The following DAB1 variants were observed in gnomAD, a reference collection of about 807,000 sequenced individuals.
DAB1 encodes the protein DAB adaptor protein 1.
In DAB1, 15 loss-of-function variants were observed where a neutral mutation model predicts 64.6. The ratio of observed to expected loss-of-function variants is 0.23; its 90% CI spans 0.16 to 0.36. The LOEUF (loss-of-function observed/expected upper bound fraction) is 0.36, where lower values mean the gene tolerates loss of function less well. Among genes scored for constraint, DAB1 ranks in the 10% least tolerant of loss-of-function variants. DAB1 has a pLI of 1.00. For missense variants in DAB1, 596 were observed against 706.7 expected, an observed-to-expected ratio of 0.84 and a Z score of 1.78; for synonymous variants, 235 against 251.9, an observed-to-expected ratio of 0.93 and a Z score of 0.64.
At chr1:58,366,068 A>T (rs1644213732) in intron 3 of DAB1, among the ~76,000 whole-genome samples, 1 of 152,168 alleles carries the variant, frequency 6.6e-6, no homozygotes, top group South Asian at 2.1e-4. Context: ...AGAGATCAAC[A>T]CTGAGCTCCC....
At chr1:58,225,907 A>G (rs1469130296) in intron 4 of DAB1, among the ~76,000 whole-genome samples, 2 of 151,160 alleles carry the variant, frequency 1.3e-5, no homozygotes, top group South Asian at 2.1e-4. Context: ...ACATGTATAC[A>G]TATGTAACTA....
At chr1:58,296,992 T>A (rs2100456776) in intron 4 of DAB1, among the ~76,000 whole-genome samples, 1 of 152,314 alleles carries the variant, frequency 6.6e-6, no homozygotes, top group East Asian at 1.9e-4. Flanking sequence ...AATGTTAGCT[T>A]CTAGAGAGTG....
At chr1:58,263,363 G>A (rs993035396) in intron 4 of DAB1, among the ~76,000 whole-genome samples, 7 of 152,046 alleles carry the variant, frequency 4.6e-5, no homozygotes, top group Non-Finnish European at 7.4e-5. Flanking sequence ...TTTCCCTGTC[G>A]TTTATTTTTC....
rs75833790 is a variant in DAB1 at position 57,042,999 on chromosome 1, A to C, written c.724-16956T>G. On this transcript the variant is annotated intron_variant, in intron 9 of 14. Transcript: ENST00000371236. ...ATTACTCCATTTCTAACTTCAAAGAAATACTAGGCAGAAGTTCCAGAAAAA... is the reference window on the plus strand; with the variant it reads ...ATTACTCCATTTCTAACTTCAAAGACATACTAGGCAGAAGTTCCAGAAAAA... Among the ~76,000 whole-genome samples the C allele has an allele frequency of 5.0e-3, 766 of 152,098 alleles. 4 individuals carry two copies. Among genetic ancestry groups the C allele is most frequent in the African/African-American group, 0.018 (745 of 41,502 alleles).
At chr1:58,088,731 T>TGCCA (rs1650464656) in intron 5 of DAB1, among the ~76,000 whole-genome samples, 1 of 152,116 alleles carries the variant, frequency 6.6e-6, no homozygotes. Flanking sequence ...CCAAGCACAG[T>TGCCA]GCCAGGCATT....
chr1:58,144,806 G>C (rs912897942), intron 5 of DAB1, among the ~76,000 whole-genome samples: 3 of 152,204 alleles, frequency 2.0e-5, no homozygotes, highest in Admixed American at 6.5e-5. Flanking sequence ...TCAGAGTTGT[G>C]CCATGCAGCC....
At chr1:58,344,107 T>C (rs1430117828) in intron 3 of DAB1, among the ~76,000 whole-genome samples, 1 of 152,096 alleles carries the variant, frequency 6.6e-6, no homozygotes, top group East Asian at 1.9e-4. Flanking sequence ...TGCCACTTCC[T>C]ACCTATGTGA....
chr1:57,391,648 G>A (rs1028768331), intron 1 of DAB1, among the ~76,000 whole-genome samples: 12 of 151,926 alleles, frequency 7.9e-5, no homozygotes, highest in East Asian at 1.9e-4. Flanking sequence ...TACAGCTCAC[G>A]ACCCCACAAA....
At chr1:57,064,554 C>T (rs1278487376) in intron 8 of DAB1, among the ~76,000 whole-genome samples, 1 of 152,158 alleles carries the variant, frequency 6.6e-6, no homozygotes, top group Non-Finnish European at 1.5e-5. Flanking sequence ...TGCCCTAGAA[C>T]ACCTGTGACC....
chr1:58,038,603 C>A (rs2100498172), intron 5 of DAB1, among the ~76,000 whole-genome samples: 1 of 152,160 alleles, frequency 6.6e-6, no homozygotes, highest in Non-Finnish European at 1.5e-5. Flanking sequence ...CCAAAGCATG[C>A]AACTGGCACT....
intron 6 of DAB1, among the ~76,000 whole-genome samples, chr1:57,653,959 C>A (rs1016943326): frequency 2.0e-5 from 3 of 152,094 alleles, no homozygotes; most frequent in African/African-American, 7.2e-5. Flanking sequence ...ACCAATCTGG[C>A]GTTAGTTCAC....
At position 57,736,260 on chromosome 1, in the gene DAB1, G is replaced by A. The variant is rs548257605; in HGVS notation, n.552-86595C>T. 2.0e-5 allele frequency among the ~76,000 whole-genome samples: 3 copies of A among 152,244 alleles called. No individual in the cohort carries two copies. In the East Asian group the frequency reaches 5.8e-4, roughly 29 times the overall value. On this transcript the variant is annotated intron_variant and non_coding_transcript_variant, in intron 6 of 20. Transcript: ENST00000485760. ...AAAGTTAAGATTGGTGTTCAGGGAA[G>A]CCAGAGAACGGTGGGGAAACACAAA... is the stretch of plus-strand genomic sequence containing the variant.
chr1:58,127,876 T>C (rs1653237383), intron 5 of DAB1, among the ~76,000 whole-genome samples: 1 of 152,176 alleles, frequency 6.6e-6, no homozygotes, highest in South Asian at 2.1e-4. Context: ...TGTAGTATAG[T>C]TTGAAGTCAG....
chr1:57,024,006 C>T (rs113902891), intron 10 of DAB1, among the ~76,000 whole-genome samples: 30 of 152,212 alleles, frequency 2.0e-4, no homozygotes, highest in African/African-American at 6.7e-4. Flanking sequence ...ATATTTGGCA[C>T]TCACCCTTTA....
intron 4 of DAB1, among the ~76,000 whole-genome samples, chr1:58,175,856 C>A (rs1352554070): frequency 6.6e-6 from 1 of 152,174 alleles, no homozygotes; most frequent in Non-Finnish European, 1.5e-5. Flanking sequence ...ATCTGGTGAT[C>A]AGAGGCTTGA....
chr1:57,621,095 G>A (rs1020498154), intron 7 of DAB1, among the ~76,000 whole-genome samples: 14 of 152,014 alleles, frequency 9.2e-5, no homozygotes, highest in Admixed American at 8.5e-4. Flanking sequence ...ATGTGTTTGT[G>A]TGCATAAGAC....
At chr1:57,959,849 A>G (rs558767571) in intron 5 of DAB1, among the ~76,000 whole-genome samples, 1 of 152,290 alleles carries the variant, frequency 6.6e-6, no homozygotes, top group Middle Eastern at 3.4e-3. Flanking sequence ...TTTAAACCCA[A>G]AGCAATGGAC....
intron 5 of DAB1, among the ~76,000 whole-genome samples, chr1:57,986,757 C>T (rs966188509): frequency 2.0e-5 from 3 of 152,194 alleles, no homozygotes; most frequent in Non-Finnish European, 2.9e-5. Flanking sequence ...AAGCCACGTC[C>T]TCTCCATGAC....
chr1:57,800,139 G>C lies in DAB1; in HGVS notation n.551+83860C>G, dbSNP rs542907248. On this transcript the variant is annotated intron_variant and non_coding_transcript_variant, in intron 6 of 20. Transcript: ENST00000485760. ...CTAAGCAACTTGGCCAAGGTTACAT[G>C]GGGAGGGCAAGGCAGAGGCATGATT... 2.6e-5 allele frequency among the ~76,000 whole-genome samples: 4 copies of C among 152,176 alleles called. No homozygotes were observed. The East Asian group carries it at 7.7e-4, about 29-fold the overall frequency.
Sources: allele counts gnomAD v4.1 joint callset (sites outside exome capture counted in the v4.1 genomes callset), GRCh38; gene constraint gnomAD v4.1.1; transcripts MANE v1.5; gene names NCBI Gene and HGNC (gene_info 2026-07-23, HGNC 2026-07-21).